CHL1: variants seen among roughly 807,000 people sequenced by gnomAD.
The protein encoded by CHL1 is cell adhesion molecule L1 like.
CHL1 carries 96 observed loss-of-function variants against 141.9 expected under a neutral mutation model. The observed-to-expected ratio is 0.68, with a 90% CI of 0.57 to 0.80. CHL1 has a LOEUF of 0.80. CHL1 is among the 30% of genes least tolerant of loss of function. CHL1 has a pLI of 0.00. For missense variants in CHL1, 1,820 were observed against 1,457.2 expected, an observed-to-expected ratio of 1.25 and a Z score of -4.05; for synonymous variants, 613 against 502.2, an observed-to-expected ratio of 1.22 and a Z score of -2.95.
chr3:247,285 C>G (rs1693258550), intron 2 of CHL1: 1 of 151,992 alleles, frequency 6.6e-6, no homozygotes, highest in Non-Finnish European at 1.5e-5. Context: ...TTTAAATGTT[C>G]TCAGGACAAT....
At chr3:385,515 G>A (rs981364255) in intron 19 of CHL1, among the ~76,000 whole-genome samples, 6 of 152,128 alleles carry the variant, frequency 3.9e-5, no homozygotes, top group Non-Finnish European at 8.8e-5. Context: ...CTCTCTTCTT[G>A]TAAGAATGGG....
intron 15 of CHL1, 109 bp downstream of exon 15, chr3:366,224 A>ATATG: frequency 9.9e-7 from 1 of 1,014,794 alleles, no homozygotes; most frequent in Non-Finnish European, 1.5e-6. Context: ...TAATCCCAGC[A>ATATG]CTTTGGGAGA....
chr3:200,634 G>GA (rs971134625), intron 1 of CHL1, among the ~76,000 whole-genome samples: 1 of 152,128 alleles, frequency 6.6e-6, no homozygotes, highest in African/African-American at 2.4e-5. Flanking sequence ...TTTGTTCCTG[G>GA]AAAAATATTG....
chr3:240,528 A>G (rs1050025979), intron 1 of CHL1, among the ~76,000 whole-genome samples: 3 of 151,736 alleles, frequency 2.0e-5, no homozygotes, highest in African/African-American at 4.8e-5. Context: ...GATTGTGAAG[A>G]TTTTCTCCCA....
At chr3:214,261 C>G (rs1284024464) in intron 1 of CHL1, among the ~76,000 whole-genome samples, 3 of 152,154 alleles carry the variant, frequency 2.0e-5, no homozygotes, top group Non-Finnish European at 4.4e-5. Context: ...ACTGCTAATT[C>G]CATCCACTGA....
At chr3:362,277 C>T (rs1490292685) in intron 13 of CHL1, among the ~76,000 whole-genome samples, 1 of 152,034 alleles carries the variant, frequency 6.6e-6, no homozygotes, top group Non-Finnish European at 1.5e-5. Flanking sequence ...AAGACATTAT[C>T]AATATGGATC....
chr3:290,585 T>A (rs563917189), intron 2 of CHL1, among the ~76,000 whole-genome samples: 1 of 152,318 alleles, frequency 6.6e-6, no homozygotes, highest in Admixed American at 6.5e-5. Context: ...ACTAACATAA[T>A]TTAGGATGAA....
At chr3:259,211 A>G (rs980620107) in intron 2 of CHL1, among the ~76,000 whole-genome samples, 4 of 152,036 alleles carry the variant, frequency 2.6e-5, no homozygotes, top group East Asian at 1.9e-4. Flanking sequence ...TTGAGCCACA[A>G]TGCCTGGCCT....
intron 15 of CHL1, among the ~76,000 whole-genome samples, chr3:370,313 A>G (rs535879575): frequency 1.3e-5 from 2 of 151,988 alleles, no homozygotes; most frequent in East Asian, 1.9e-4. Flanking sequence ...CTTCTTCTGG[A>G]TTTAGTATTG....
At chr3:264,172 A>T (rs1333902031) in intron 2 of CHL1, among the ~76,000 whole-genome samples, 7 of 152,230 alleles carry the variant, frequency 4.6e-5, no homozygotes, top group Admixed American at 4.6e-4. Context: ...TTCAAATAAC[A>T]CTAAACTCAC....
At chr3:277,500 C>T (rs979827977) in intron 2 of CHL1, among the ~76,000 whole-genome samples, 1 of 152,118 alleles carries the variant, frequency 6.6e-6, no homozygotes, top group African/African-American at 2.4e-5. Flanking sequence ...TTCTCTTTCT[C>T]TTCTCTACCA....
In CHL1 at chr3:294,696, AC is replaced by A. The variant is rs971069841; in HGVS notation, c.-94-24986del. 4.8e-5 allele frequency among the ~76,000 whole-genome samples: 4 copies of A among 84,042 alleles called. No individual in the cohort carries two copies. In the African/African-American group the frequency reaches 6.0e-4, roughly 13 times the overall value. The allele number at this position is 84,042 out of a possible 152,430, so 55.1% of individuals were successfully genotyped here. ...TAGTAACAGTACAGGCATGCCCATA[AC>A]AAAAAATGGAAACTAATATAGTCAA... On this transcript the variant is annotated intron_variant, in intron 2 of 27. Transcript: ENST00000256509.
At chr3:346,600 A>G (rs1156932615) in intron 9 of CHL1, among the ~76,000 whole-genome samples, 1 of 152,228 alleles carries the variant, frequency 6.6e-6, no homozygotes, top group African/African-American at 2.4e-5. Flanking sequence ...GAAGGAATAT[A>G]TAAAAACAGA....
chr3:304,868 G>T (rs1449362028), intron 2 of CHL1, among the ~76,000 whole-genome samples: 4 of 151,942 alleles, frequency 2.6e-5, no homozygotes, highest in African/African-American at 4.8e-5. Context: ...GCTTTCTCTT[G>T]TGGGCATTTA....
rs958412368 is a variant in CHL1 at position 321,529 on chromosome 3, G to A, written c.91+1662G>A. 3.3e-5 allele frequency among the ~76,000 whole-genome samples: 5 copies of A among 152,092 alleles called. No individual in the cohort carries two copies. In the East Asian group the frequency reaches 7.7e-4, roughly 24 times the overall value. ...TGTTAATAATTTCACATTGTCTTCC[G>A]AATAGCAACGAAGATGCCACTGAGA... On this transcript the variant is annotated intron_variant, in intron 3 of 27. Transcript: ENST00000256509.
At chr3:207,112 C>T (rs1180501242) in intron 1 of CHL1, among the ~76,000 whole-genome samples, 2 of 152,092 alleles carry the variant, frequency 1.3e-5, no homozygotes, top group Non-Finnish European at 2.9e-5. Flanking sequence ...CAGGCACAGC[C>T]AATATATTTG....
At chr3:330,213 T>C (rs955825947) in intron 5 of CHL1, among the ~76,000 whole-genome samples, 6 of 152,212 alleles carry the variant, frequency 3.9e-5, no homozygotes, top group African/African-American at 4.8e-5. Flanking sequence ...CTTTGAAAAC[T>C]AAGAAATACA....
chr3:369,793 A>C (rs765427351), intron 15 of CHL1, among the ~76,000 whole-genome samples: 3 of 152,238 alleles, frequency 2.0e-5, no homozygotes, highest in Non-Finnish European at 4.4e-5. Context: ...GTTAATTGAC[A>C]GTTTTTAACA....
At chr3:320,000 G>T (rs898480609) in intron 3 of CHL1, 133 bp downstream of exon 3, 8 of 578,936 alleles carry the variant, frequency 1.4e-5, no homozygotes, top group African/African-American at 1.4e-4. Flanking sequence ...TCTGTCATGA[G>T]AATTCATATC....
Sources: allele counts gnomAD v4.1 joint callset (sites outside exome capture counted in the v4.1 genomes callset), GRCh38; gene constraint gnomAD v4.1.1; transcripts MANE v1.5; gene names NCBI Gene and HGNC (gene_info 2026-07-23, HGNC 2026-07-21).